ATRN: variants seen among roughly 807,000 people sequenced by gnomAD.
ATRN encodes attractin-2.
Under a neutral mutation model 178.7 loss-of-function variants are expected in ATRN, and 54 were observed. The ratio of observed to expected loss-of-function variants is 0.30; its 90% CI spans 0.24 to 0.38. ATRN has a LOEUF of 0.38. Among genes scored for constraint, ATRN ranks in the 10% least tolerant of loss-of-function variants. The pLI, the probability that ATRN is intolerant of heterozygous loss-of-function variation, is 1.00. For synonymous variants in ATRN, 636 were observed against 663.0 expected, an observed-to-expected ratio of 0.96 and a Z score of 0.63; for missense variants, 1,443 against 1,815.1, an observed-to-expected ratio of 0.79 and a Z score of 3.73.
chr20:3,508,409 C>T (rs1458682286), intron 1 of ATRN, among the ~76,000 whole-genome samples: 1 of 152,098 alleles, frequency 6.6e-6, no homozygotes, highest in African/African-American at 2.4e-5. Flanking sequence ...AGATCTCTGC[C>T]ACAGCTATTC....
At chr20:3,639,942 G>A (rs139275575) in intron 27 of ATRN, among the ~76,000 whole-genome samples, 94 of 152,224 alleles carry the variant, frequency 6.2e-4, no homozygotes, top group African/African-American at 2.0e-3. Context: ...TCAATTCAGC[G>A]CTGTTGAAGT....
chr20:3,585,971 G>A (rs2086351718), intron 18 of ATRN, among the ~76,000 whole-genome samples: 1 of 152,096 alleles, frequency 6.6e-6, no homozygotes, highest in Non-Finnish European at 1.5e-5. Flanking sequence ...GTAGAAATTG[G>A]AACTCTCATG....
intron 27 of ATRN, among the ~76,000 whole-genome samples, chr20:3,640,758 G>T (rs901974235): frequency 1.4e-4 from 22 of 152,166 alleles, no homozygotes; most frequent in African/African-American, 5.3e-4. Flanking sequence ...GGCAATCTGG[G>T]TTTATACATA....
chr20:3,629,531 G>T (rs545402604), intron 25 of ATRN, among the ~76,000 whole-genome samples: 36 of 152,274 alleles, frequency 2.4e-4, no homozygotes, highest in Non-Finnish European at 8.8e-5. Flanking sequence ...CACCAACTCA[G>T]TGTCTCACAG....
At chr20:3,509,850 A>G (rs1219280625) in intron 1 of ATRN, among the ~76,000 whole-genome samples, 3 of 152,236 alleles carry the variant, frequency 2.0e-5, no homozygotes, top group African/African-American at 7.2e-5. Context: ...GAAAAGTGCA[A>G]GAATAAAAAC....
intron 1 of ATRN, among the ~76,000 whole-genome samples, chr20:3,501,215 T>C (rs1457728460): frequency 6.6e-6 from 1 of 152,184 alleles, no homozygotes; most frequent in Admixed American, 6.6e-5. Flanking sequence ...GATACAAAGG[T>C]AGAAACAGAG....
At chr20:3,492,554 T>G (rs1382426171) in intron 1 of ATRN, among the ~76,000 whole-genome samples, 1 of 151,676 alleles carries the variant, frequency 6.6e-6, no homozygotes, top group Non-Finnish European at 1.5e-5. Flanking sequence ...GAGCTTGGGG[T>G]AGAGTGGGAA....
At chr20:3,615,194 C>T (rs1363086228) in intron 24 of ATRN, among the ~76,000 whole-genome samples, 1 of 151,962 alleles carries the variant, frequency 6.6e-6, no homozygotes, top group Non-Finnish European at 1.5e-5. Flanking sequence ...TTAGGGAGGC[C>T]GAGGCGGGCA....
Position 3,484,678 on chromosome 20 carries a change from T to G in ATRN, c.410+13161T>G, listed in dbSNP as rs548687808. Among the ~76,000 whole-genome samples the G allele has an allele frequency of 2.3e-3, 353 of 152,274 alleles. 7 individuals are homozygous for G. The highest frequency in any genetic ancestry group is 8.1e-3 in the African/African-American group (337 of 41,550). On this transcript the variant is annotated intron_variant, in intron 1 of 28. Coordinates refer to ENST00000262919, the MANE Select transcript of ATRN (RefSeq NM_139321.3). ...ATTTTGTTGGAATTTCACCTGATGT[T>G]GAGATAAGCCTGGGGAAATCTGTCA...
chr20:3,529,604 T>TA (rs1460536853), intron 1 of ATRN, among the ~76,000 whole-genome samples: 2 of 152,176 alleles, frequency 1.3e-5, no homozygotes, highest in African/African-American at 4.8e-5. Flanking sequence ...AAAACTGATC[T>TA]ATAGTGGGAA....
At chr20:3,586,723 T>C (rs2146264717) in intron 18 of ATRN, among the ~76,000 whole-genome samples, 1 of 152,108 alleles carries the variant, frequency 6.6e-6, no homozygotes, top group Middle Eastern at 3.4e-3. Context: ...AGATTATGCA[T>C]TGCATGATGC....
chr20:3,560,624 C>G, intron 7 of ATRN, 38 bp from the exon 8 acceptor site: 1 of 1,495,150 alleles, frequency 6.7e-7, no homozygotes. Flanking sequence ...TTAATCTTTT[C>G]AATGTTTTTA....
At position 3,645,976 on chromosome 20, in the gene ATRN, C is replaced by A. The variant is rs113172290; in HGVS notation, c.4166-747C>A. Among the ~76,000 whole-genome samples the A allele has an allele frequency of 8.5e-5, 13 of 152,138 alleles. No homozygotes were observed. Among genetic ancestry groups the A allele is most frequent in the African/African-American group, 3.1e-4 (13 of 41,426 alleles). ...TTGCAAGTCCCCAAAGCAAAGTGGG[C>A]GGCGGGGCAGTGATGAGCATAAAGG... On this transcript the variant is annotated intron_variant, in intron 28 of 28. Coordinates refer to ENST00000262919, the MANE Select transcript of ATRN (RefSeq NM_139321.3). This position sits in a 1 kb window ranked among gnomAD's most constrained non-coding sequence, Gnocchi z 4.7.
At chr20:3,612,095 A>G (rs2086775218) in intron 24 of ATRN, among the ~76,000 whole-genome samples, 1 of 152,222 alleles carries the variant, frequency 6.6e-6, no homozygotes, top group Non-Finnish European at 1.5e-5. Context: ...TAATAGCCCA[A>G]AACTGGAAAC....
At chr20:3,578,507 T>C in intron 14 of ATRN, 75 bp from the exon 15 acceptor site, 1 of 1,313,838 alleles carries the variant, frequency 7.6e-7, no homozygotes, top group Non-Finnish European at 1.0e-6. Flanking sequence ...CGGTATTCAG[T>C]AATTTGAACT....
chr20:3,492,264 G>A (rs758759112), intron 1 of ATRN, among the ~76,000 whole-genome samples: 1 of 151,760 alleles, frequency 6.6e-6, no homozygotes, highest in Non-Finnish European at 1.5e-5. Flanking sequence ...AGAGGTAGGA[G>A]TGGGCACTGA....
intron 5 of ATRN, among the ~76,000 whole-genome samples, chr20:3,548,130 C>T (rs2085734923): frequency 6.6e-6 from 1 of 152,086 alleles, no homozygotes; most frequent in African/African-American, 2.4e-5. Flanking sequence ...GCCAAACCTC[C>T]CAAGAATGGA....
intron 24 of ATRN, among the ~76,000 whole-genome samples, chr20:3,613,838 T>C (rs1460484645): frequency 7.4e-6 from 1 of 134,820 alleles, no homozygotes; most frequent in East Asian, 1.9e-4. Context: ...ATTTTAAAAA[T>C]TGAGATTCTC....
At chr20:3,567,349 C>G (rs2086051362) in intron 11 of ATRN, among the ~76,000 whole-genome samples, 1 of 152,178 alleles carries the variant, frequency 6.6e-6, no homozygotes. Flanking sequence ...TTAGTACAGT[C>G]ATAACTAGCA....
Sources: gnomAD v4.1 joint callset for allele counts (sites outside exome capture counted in the v4.1 genomes callset) on GRCh38, gnomAD v4.1.1 for gene constraint, Gnocchi (gnomAD v3.1) non-coding constraint, MANE v1.5 for transcripts, NCBI Gene and HGNC (gene_info 2026-07-23, HGNC 2026-07-21) for gene names.